BTBD7: variants seen among roughly 807,000 people sequenced by gnomAD.
BTBD7 encodes BTB/POZ domain-containing protein 7.
A neutral mutation model predicts 99.9 loss-of-function variants in BTBD7; 38 were observed. The ratio of observed to expected loss-of-function variants is 0.38; its 90% CI spans 0.29 to 0.50. The LOEUF (loss-of-function observed/expected upper bound fraction) is 0.50, where lower values mean the gene tolerates loss of function less well. Among genes scored for constraint, BTBD7 ranks in the 20% least tolerant of loss-of-function variants. BTBD7 has a pLI of 0.93. For missense variants in BTBD7, 1,170 were observed against 1,394.6 expected, an observed-to-expected ratio of 0.84 and a Z score of 2.57; for synonymous variants, 520 against 511.4, an observed-to-expected ratio of 1.02 and a Z score of -0.23.
chr14:93,265,515 A>G (rs1410292685), intron 3 of BTBD7, among the ~76,000 whole-genome samples: 1 of 152,284 alleles, frequency 6.6e-6, no homozygotes, highest in East Asian at 1.9e-4. Context: ...ATCTTTGCAG[A>G]TAACATGAAG....
At chr14:93,299,898 T>C (rs925515975) in intron 1 of BTBD7, among the ~76,000 whole-genome samples, 2 of 152,194 alleles carry the variant, frequency 1.3e-5, no homozygotes, top group Non-Finnish European at 1.5e-5. Flanking sequence ...TTTAAAGTGC[T>C]GAGGTTCATT....
rs2052896298 is a variant in BTBD7 at position 93,294,306 on chromosome 14, A to G, written c.714T>C (p.Arg238=). ...GTPNSLDVDM[R]GLFDYMCYYD... ...AATAACACATGTAATCAAAGAGTCC[A>G]CGCATATCTACATCAAGGGAATTTG... Residue 238 remains arginine (R), a synonymous_variant, in exon 3 of 11, where the codon CGT becomes CGC. Coordinates refer to ENST00000334746, the MANE Select transcript of BTBD7 (RefSeq NM_001002860.4). The G allele has an allele frequency of 2.5e-6, 4 of 1,614,104 alleles. No homozygotes were observed. In the African/African-American group the frequency reaches 5.3e-5, roughly 22 times the overall value.
rs2052257558 is a variant in BTBD7 at position 93,243,166 on chromosome 14, T to C, written c.2584-78A>G. On this transcript the variant is annotated intron_variant, in intron 10 of 10. Coordinates refer to ENST00000334746, the MANE Select transcript of BTBD7 (RefSeq NM_001002860.4). ...GTAGAAATGATGTTCACTGATTTTG[T>C]TTCCCAATTATAAAATTAACACATT... 2.3e-6 allele frequency: 3 copies of C among 1,331,226 alleles called. No individual in the cohort carries two copies. In the East Asian group the frequency reaches 7.0e-5, roughly 31 times the overall value. The allele number at this position is 1,331,226 out of a possible 1,614,324, so 82.5% of individuals were successfully genotyped here.
Position 93,261,636 on chromosome 14 carries a change from T to C in BTBD7, c.1413A>G (p.Gly471=), listed in dbSNP as rs931201181. 6.2e-7 allele frequency: 1 copy of C among 1,612,286 alleles called. No homozygotes were observed. Among genetic ancestry groups the C allele is most frequent in the Non-Finnish European group, 8.5e-7 (1 of 1,179,236 alleles). Residue 471 remains glycine, a synonymous_variant, in exon 5 of 11, where the codon GGA becomes GGG. Transcript: ENST00000334746. ...QDILKYLIKW[G]EHQLMKRIAD... is the part of the protein sequence containing the mutation. ...CTATTCTTTTCATCAACTGATGCTC[T>C]CCCCATTTAATCAGATATTTAAGGA...
intron 3 of BTBD7, among the ~76,000 whole-genome samples, chr14:93,286,098 C>T (rs2052774027): frequency 6.6e-6 from 1 of 152,188 alleles, no homozygotes; most frequent in Non-Finnish European, 1.5e-5. Context: ...CTGCCATGGC[C>T]TTCTCTCCTT....
chr14:93,310,412 C>T (rs1445119473), intron 1 of BTBD7, among the ~76,000 whole-genome samples: 1 of 152,148 alleles, frequency 6.6e-6, no homozygotes, highest in Admixed American at 6.5e-5. Flanking sequence ...GTTCCTCCCC[C>T]TTTACAATTT....
chr14:93,318,713 C>T (rs2053236331), intron 1 of BTBD7, among the ~76,000 whole-genome samples: 1 of 152,178 alleles, frequency 6.6e-6, no homozygotes, highest in South Asian at 2.1e-4. Flanking sequence ...ATGAGGTTTA[C>T]ATCAAACTGA....
At chr14:93,300,425 T>C (rs780152979) in intron 1 of BTBD7, among the ~76,000 whole-genome samples, 14 of 151,872 alleles carry the variant, frequency 9.2e-5, no homozygotes, top group Non-Finnish European at 1.8e-4. Flanking sequence ...GCCTGGCTAA[T>C]TTTTGTATTT....
chr14:93,270,648 T>C (rs934476794), intron 3 of BTBD7, among the ~76,000 whole-genome samples: 1 of 151,564 alleles, frequency 6.6e-6, no homozygotes, highest in Non-Finnish European at 1.5e-5. Context: ...TGAGCCGAGG[T>C]TGTGCCACTG....
At chr14:93,281,968 A>G (rs1595308023) in intron 3 of BTBD7, among the ~76,000 whole-genome samples, 1 of 152,222 alleles carries the variant, frequency 6.6e-6, no homozygotes, top group East Asian at 1.9e-4. Flanking sequence ...CTGAAGTGCA[A>G]AGTATACATG....
intron 1 of BTBD7, among the ~76,000 whole-genome samples, chr14:93,303,038 CA>C (rs2053023705): frequency 6.6e-6 from 1 of 152,046 alleles, no homozygotes; most frequent in Non-Finnish European, 1.5e-5. Flanking sequence ...TCTCAAATGC[CA>C]AAGGTATTGG....
intron 5 of BTBD7, among the ~76,000 whole-genome samples, chr14:93,258,328 C>T (rs1195779870): frequency 1.3e-5 from 2 of 151,768 alleles, no homozygotes; most frequent in Non-Finnish European, 2.9e-5. Context: ...TTTTTTTCCC[C>T]CTTGCCTAGC....
intron 1 of BTBD7, among the ~76,000 whole-genome samples, chr14:93,322,273 C>G (rs1182520114): frequency 6.6e-6 from 1 of 152,018 alleles, no homozygotes; most frequent in African/African-American, 2.4e-5. Context: ...ACCACCATAC[C>G]TGGCTAATTT....
chr14:93,255,040 T>C (rs1313957508), intron 6 of BTBD7, among the ~76,000 whole-genome samples: 1 of 152,208 alleles, frequency 6.6e-6, no homozygotes, highest in African/African-American at 2.4e-5. Context: ...TTAAAATTAC[T>C]TTTAACTAGT....
chr14:93,261,535 C>A, intron 5 of BTBD7, 67 bp downstream of exon 5: 3 of 1,187,128 alleles, frequency 2.5e-6, no homozygotes, highest in Non-Finnish European at 3.7e-6. Context: ...GTGCGGCATG[C>A]ATTTCTATAT....
At chr14:93,257,763 A>G (rs995942186) in intron 5 of BTBD7, among the ~76,000 whole-genome samples, 8 of 152,244 alleles carry the variant, frequency 5.3e-5, no homozygotes, top group African/African-American at 1.9e-4. Context: ...GTAAGTTATC[A>G]GTATGCTCAT....
At chr14:93,305,290 G>C (rs557531814) in intron 1 of BTBD7, among the ~76,000 whole-genome samples, 1 of 152,306 alleles carries the variant, frequency 6.6e-6, no homozygotes, top group East Asian at 1.9e-4. Flanking sequence ...GCTATTTAAA[G>C]AATCTTTGTT....
chr14:93,274,253 CAAG>C (rs2052631485), intron 3 of BTBD7, among the ~76,000 whole-genome samples: 1 of 152,346 alleles, frequency 6.6e-6, no homozygotes, highest in East Asian at 1.9e-4. Context: ...CTGAGTGATG[CAAG>C]AAGTAGACTA....
intron 1 of BTBD7, among the ~76,000 whole-genome samples, chr14:93,299,348 A>G (rs1026821388): frequency 1.3e-5 from 2 of 152,206 alleles, no homozygotes; most frequent in African/African-American, 4.8e-5. Flanking sequence ...CATCACTTGT[A>G]GATGTTGGAA....
Sources: allele counts gnomAD v4.1 joint callset (sites outside exome capture counted in the v4.1 genomes callset), GRCh38; gene constraint gnomAD v4.1.1; transcripts MANE v1.5; gene names NCBI Gene and HGNC (gene_info 2026-07-23, HGNC 2026-07-21).